HS6ST3: variants seen among roughly 807,000 people sequenced by gnomAD.
The protein encoded by HS6ST3 is heparan sulfate 6-O-sulfotransferase 3.
A neutral mutation model predicts 36.7 loss-of-function variants in HS6ST3; 12 were observed. The ratio of observed to expected loss-of-function variants is 0.33; its 90% CI spans 0.21 to 0.53. The LOEUF is 0.53. HS6ST3 is among the 20% of genes least tolerant of loss of function. HS6ST3 has a pLI of 0.95. For synonymous variants in HS6ST3, 240 were observed against 257.5 expected (o/e 0.93, Z 0.65); for missense variants, 584 against 640.9 (o/e 0.91, Z 0.96).
chr13:96,487,109 T>G (rs1451457793), intron 1 of HS6ST3, among the ~76,000 whole-genome samples: 1 of 152,152 alleles, frequency 6.6e-6, no homozygotes, highest in African/African-American at 2.4e-5. Flanking sequence ...TCTTGGGAAG[T>G]ATCTCACATC....
intron 1 of HS6ST3, among the ~76,000 whole-genome samples, chr13:96,316,943 A>T (rs1817566313): frequency 6.6e-6 from 1 of 152,154 alleles, no homozygotes; most frequent in African/African-American, 2.4e-5. Flanking sequence ...TGAAAATAGC[A>T]CAGTGTTGAT....
chr13:96,641,371 T>A (rs1160950030), intron 1 of HS6ST3, among the ~76,000 whole-genome samples: 1 of 127,036 alleles, frequency 7.9e-6, no homozygotes, highest in Admixed American at 8.1e-5. Flanking sequence ...ATTTTTTAAA[T>A]ACTGATTTTT....
chr13:96,714,063 A>G (rs1875635011), intron 1 of HS6ST3, among the ~76,000 whole-genome samples: 1 of 152,202 alleles, frequency 6.6e-6, no homozygotes. Flanking sequence ...TAAATGTGAA[A>G]ATGAAAAAGT....
At chr13:96,332,668 C>G (rs569833670) in intron 1 of HS6ST3, among the ~76,000 whole-genome samples, 1 of 152,166 alleles carries the variant, frequency 6.6e-6, no homozygotes, top group South Asian at 2.1e-4. Context: ...TGAAGAATGC[C>G]ACTATGACCG....
At chr13:96,776,908 A>G (rs188228831) in intron 1 of HS6ST3, among the ~76,000 whole-genome samples, 2 of 152,328 alleles carry the variant, frequency 1.3e-5, no homozygotes, top group Admixed American at 6.5e-5. Flanking sequence ...TTACAGGCCA[A>G]TATCCCTTAT....
rs1002126472 is a variant in HS6ST3, at chr13:96,091,129, G to A, written c.267G>A (p.Glu89=). ...PEGPRGAAAP[E]EEDEEPGDPR... is the part of the protein sequence containing the mutation. Reference sequence around the variant, plus strand: ...GACCTCGGGGGGCCGCGGCGCCGGAGGAGGAGGACGAGGAGCCCGGAGACC... The same window carrying A: ...GACCTCGGGGGGCCGCGGCGCCGGAAGAGGAGGACGAGGAGCCCGGAGACC... The change falls in exon 1 of 2, where the codon GAG becomes GAA. Residue 89 remains glutamate (E), a synonymous_variant. Transcript: ENST00000376705. 1 of 1,465,722 alleles carries A rather than the reference G, an allele frequency of 6.8e-7. No individual in the cohort carries two copies. The highest frequency in any genetic ancestry group is 1.4e-5 in the African/African-American group (1 of 69,168). The allele number at this position is 1,465,722 out of a possible 1,614,324, so 90.8% of individuals were successfully genotyped here.
intron 1 of HS6ST3, among the ~76,000 whole-genome samples, chr13:96,475,556 T>C (rs541834724): frequency 1.5e-3 from 225 of 148,600 alleles, no homozygotes; most frequent in Non-Finnish European, 1.9e-3. Context: ...CAGCAAAAGC[T>C]ATTTGGCCGG....
chr13:96,700,146 G>C (rs150157009), intron 1 of HS6ST3, among the ~76,000 whole-genome samples: 1 of 152,238 alleles, frequency 6.6e-6, no homozygotes, highest in African/African-American at 2.4e-5. Flanking sequence ...ACCTGAGACT[G>C]GGCAGTTTAC....
chr13:96,792,485 C>A (rs117092052), intron 1 of HS6ST3, among the ~76,000 whole-genome samples: 5,940 of 151,886 alleles, frequency 0.039, 164 homozygotes, highest in Non-Finnish European at 0.062. Context: ...CTCCAAGCTC[C>A]CTGGCCATCT....
intron 1 of HS6ST3, among the ~76,000 whole-genome samples, chr13:96,306,193 T>C (rs1044788506): frequency 6.6e-6 from 1 of 150,692 alleles, no homozygotes; most frequent in South Asian, 2.1e-4. Flanking sequence ...AAGCTCTGCC[T>C]CCTGGGTTTA....
chr13:96,421,802 C>T (rs2055564039), intron 1 of HS6ST3, among the ~76,000 whole-genome samples: 2 of 152,286 alleles, frequency 1.3e-5, no homozygotes, highest in South Asian at 4.1e-4. Flanking sequence ...ATCTATTTTC[C>T]ATGCTACACT....
At chr13:96,156,531 G>C (rs2054111595) in intron 1 of HS6ST3, among the ~76,000 whole-genome samples, 1 of 152,198 alleles carries the variant, frequency 6.6e-6, no homozygotes, top group South Asian at 2.1e-4. Context: ...GTAGAGCTGA[G>C]TTCCTGGTGA....
chr13:96,349,659 T>C (rs557342907), intron 1 of HS6ST3, among the ~76,000 whole-genome samples: 4 of 152,314 alleles, frequency 2.6e-5, no homozygotes, highest in South Asian at 4.1e-4. Context: ...CAAACTTGTA[T>C]TTTTGGACTT....
chr13:96,817,046 A>ACACCATCAG (rs1181943335), intron 1 of HS6ST3, among the ~76,000 whole-genome samples: 1 of 152,122 alleles, frequency 6.6e-6, no homozygotes, highest in African/African-American at 2.4e-5. Flanking sequence ...CAGGCTGTAA[A>ACACCATCAG]CACCATCAGC....
chr13:96,634,338 A>T (rs2056541736), intron 1 of HS6ST3, among the ~76,000 whole-genome samples: 1 of 152,196 alleles, frequency 6.6e-6, no homozygotes, highest in South Asian at 2.1e-4. Context: ...TGGAGAAGTC[A>T]GTCAGTAAAA....
At chr13:96,430,488 C>G (rs2055609573) in intron 1 of HS6ST3, among the ~76,000 whole-genome samples, 1 of 152,174 alleles carries the variant, frequency 6.6e-6, no homozygotes, top group African/African-American at 2.4e-5. Flanking sequence ...GAGAGCTGAC[C>G]TCGAGCTCTC....
intron 1 of HS6ST3, among the ~76,000 whole-genome samples, chr13:96,144,746 C>T (rs1007525137): frequency 4.0e-5 from 6 of 149,338 alleles, no homozygotes; most frequent in South Asian, 2.1e-4. Flanking sequence ...CCCATTAACT[C>T]GTCATTTAGC....
chr13:96,295,108 G>A (rs925996896), intron 1 of HS6ST3, among the ~76,000 whole-genome samples: 3 of 152,178 alleles, frequency 2.0e-5, no homozygotes, highest in African/African-American at 4.8e-5. Flanking sequence ...GATGATCAAC[G>A]AATGGGCTTT....
At chr13:96,378,766 C>T (rs561700386) in intron 1 of HS6ST3, among the ~76,000 whole-genome samples, 6 of 152,220 alleles carry the variant, frequency 3.9e-5, no homozygotes, top group Non-Finnish European at 8.8e-5. Context: ...TTCATTTACC[C>T]AGCTGTGCTC....
Sources: gnomAD v4.1 joint callset for allele counts (sites outside exome capture counted in the v4.1 genomes callset) on GRCh38, gnomAD v4.1.1 for gene constraint, MANE v1.5 for transcripts, NCBI Gene and HGNC (gene_info 2026-07-23, HGNC 2026-07-21) for gene names.